Variants in SNX9 observed in about 807,000 individuals in gnomAD.
The protein encoded by SNX9 is sorting nexin-9.
SNX9 carries 44 observed loss-of-function variants against 89.4 expected under a neutral mutation model. That is an observed-to-expected ratio of 0.49 (90% CI 0.39 to 0.63). The LOEUF is 0.63. SNX9 is among the 30% of genes least tolerant of loss of function. The probability of loss-of-function intolerance (pLI) is 0.00; values close to 1 mark genes in which losing one functional copy is unlikely to be tolerated. For missense variants in SNX9, 578 were observed against 736.1 expected (o/e 0.79, Z 2.49); for synonymous variants, 236 against 247.8 (o/e 0.95, Z 0.45).
At position 157,937,344 on chromosome 6, in the gene SNX9, AG is replaced by A. The variant is rs1783946415; in HGVS notation, c.1444-88del. ...CTCAATAATTTAGTGTAGCACATGCAGGATTTATAGTCTTTGGGTATAATAG... is the reference window on the plus strand; with the variant it reads ...CTCAATAATTTAGTGTAGCACATGCAGATTTATAGTCTTTGGGTATAATAG... On this transcript the variant is annotated intron_variant, in intron 14 of 17. Coordinates refer to ENST00000392185, the MANE Select transcript of SNX9 (RefSeq NM_016224.5). 3 of 859,852 alleles carry A rather than the reference AG, an allele frequency of 3.5e-6. No homozygotes were observed. In the East Asian group the frequency reaches 7.5e-5, roughly 21 times the overall value. 53.3% of individuals were successfully genotyped at this position (859,852 alleles called of 1,614,324 possible). A position where few individuals can be genotyped will look rare whatever the true frequency, so the allele number is the denominator to read the frequency against.
chr6:157,860,150 A>G (rs1218946369), intron 1 of SNX9, among the ~76,000 whole-genome samples: 1 of 152,250 alleles, frequency 6.6e-6, no homozygotes, highest in Non-Finnish European at 1.5e-5. Flanking sequence ...TTAAAGCAAT[A>G]AAATCAAAGT....
At position 157,906,596 on chromosome 6, in the gene SNX9, C is replaced by T. The variant is rs112096511; in HGVS notation, c.705+384C>T. The stretch of plus-strand genomic sequence containing the variant: ...CATGTATGTTATCAGAATAAGGTAC[C>T]CTTTCAGATATATGGGTAATAGTGT... On this transcript the variant is annotated intron_variant, in intron 7 of 17. Coordinates refer to ENST00000392185, the MANE Select transcript of SNX9 (RefSeq NM_016224.5). Among the ~76,000 whole-genome samples the T allele has an allele frequency of 2.6e-3, 393 of 151,928 alleles. 2 individuals are homozygous for T. The highest frequency in any genetic ancestry group is 9.1e-3 in the African/African-American group (378 of 41,402).
chr6:157,938,745 A>G lies in SNX9; in HGVS notation c.1646A>G (p.Gln549Arg), dbSNP rs1429100239. The G allele has an allele frequency of 6.2e-7, 1 of 1,611,900 alleles. No individual in the cohort carries two copies. Among genetic ancestry groups the G allele is most frequent in the Non-Finnish European group, 8.5e-7 (1 of 1,178,508 alleles). The part of the protein sequence containing the change: ...KRVSIMSYAL[Q>R]AEMNHFHSNR... ...GTCAGCATCATGTCTTACGCGTTGC[A>G]AGGTAAGATGAAAGGGTCCTTATGA... Residue 549 changes from glutamine to arginine, a missense_variant and splice_region_variant, in exon 16 of 18, where the codon CAA becomes CGA. By Grantham distance (43) the Gln-to-Arg change is conservative. Transcript: ENST00000392185.
chr6:157,914,138 C>T (rs184098777), intron 9 of SNX9, among the ~76,000 whole-genome samples: 1 of 152,318 alleles, frequency 6.6e-6, no homozygotes, highest in Non-Finnish European at 1.5e-5. Flanking sequence ...AGTAGTTCCA[C>T]ATCCCTACCT....
intron 4 of SNX9, among the ~76,000 whole-genome samples, chr6:157,875,713 G>C (rs1782504837): frequency 6.6e-6 from 1 of 152,180 alleles, no homozygotes; most frequent in Admixed American, 6.5e-5. Context: ...GGGATAACTT[G>C]AGAAGAATAC....
intron 1 of SNX9, among the ~76,000 whole-genome samples, chr6:157,848,263 A>T (rs1781841834): frequency 6.6e-6 from 1 of 152,172 alleles, no homozygotes; most frequent in African/African-American, 2.4e-5. Flanking sequence ...ACCTAGCTTC[A>T]ATCTGGTAGC....
rs539776023 is a variant in SNX9 at position 157,853,320 on chromosome 6, T to G, written c.13-14227T>G. On this transcript the variant is annotated intron_variant, in intron 1 of 17. Coordinates refer to ENST00000392185, the MANE Select transcript of SNX9 (RefSeq NM_016224.5). The stretch of plus-strand genomic sequence containing the variant: ...TGAGAATTCTGCAGTTATTCTTTGT[T>G]CCACTGTATGTAATAATATATGTTT... Among the ~76,000 whole-genome samples, 15 of 152,310 alleles carry G rather than the reference T, an allele frequency of 9.8e-5. No individual in the cohort carries two copies. The South Asian group carries it at 2.7e-3, about 27-fold the overall frequency.
chr6:157,927,343 G>T (rs1465297179), intron 11 of SNX9, 129 bp downstream of exon 11: 15 of 628,256 alleles, frequency 2.4e-5, no homozygotes, highest in South Asian at 3.8e-5. Context: ...AGTGGGATTT[G>T]TAGTCCAATG....
Position 157,896,916 on chromosome 6 carries a change from G to T in SNX9, c.390G>T (p.Glu130Asp), listed in dbSNP as rs770539783. The T allele has an allele frequency of 6.2e-7, 1 of 1,613,412 alleles. No homozygotes were observed. Among genetic ancestry groups the T allele is most frequent in the South Asian group, 1.1e-5 (1 of 91,002 alleles). ...ESSEGWGAQP[E>D]GAGAQRNTNT... ...CAGAAGGCTGGGGGGCCCAGCCAGA[G>T]GGGGCTGGAGCCCAAAGAAACACAA... Residue 130 changes from glutamate (E) to aspartate (D), a missense_variant, in exon 5 of 18, where the codon GAG (glutamate) becomes GAT (aspartate). By Grantham distance (45) the Glu-to-Asp change is conservative. Transcript: ENST00000392185.
rs1781278936 is a variant in SNX9 at position 157,823,518 on chromosome 6, G to C, written c.12+72G>C. On this transcript the variant is annotated intron_variant, in intron 1 of 17. Transcript: ENST00000392185. This position sits in a 1 kb window ranked among gnomAD's most constrained non-coding sequence, Gnocchi z 4.6. ...CGGCGCGGAGAGGGTCGGGGCCGGG[G>C]CCGCGGGGAGGGTCGGGGCCAGGGG... The C allele has an allele frequency of 8.7e-7, 1 of 1,145,166 alleles. No homozygotes were observed. The highest frequency in any genetic ancestry group is 4.7e-5 in the Admixed American group (1 of 21,224). 70.9% of individuals were successfully genotyped at this position (1,145,166 alleles called of 1,614,324 possible). A position where few individuals can be genotyped will look rare whatever the true frequency, so the allele number is the denominator to read the frequency against.
chr6:157,840,061 G>T (rs976446792), intron 1 of SNX9, among the ~76,000 whole-genome samples: 12 of 151,580 alleles, frequency 7.9e-5, no homozygotes, highest in African/African-American at 2.2e-4. Context: ...GGAAGGTGGG[G>T]GTGTCTTTGG....
chr6:157,877,282 G>A (rs954748392), intron 4 of SNX9, among the ~76,000 whole-genome samples: 5 of 104,462 alleles, frequency 4.8e-5, no homozygotes, highest in South Asian at 2.8e-4. Context: ...AAAAAAAAGC[G>A]GGGGGGGCAT....
chr6:157,908,600 A>C (rs1472845955), intron 7 of SNX9, among the ~76,000 whole-genome samples: 1 of 152,196 alleles, frequency 6.6e-6, no homozygotes, highest in East Asian at 1.9e-4. Context: ...AGAAGCCTGT[A>C]CATGAGCTCC....
intron 9 of SNX9, among the ~76,000 whole-genome samples, chr6:157,921,011 C>A (rs1783571566): frequency 6.6e-6 from 1 of 152,166 alleles, no homozygotes; most frequent in Admixed American, 6.5e-5. Context: ...CTTCATAATG[C>A]TAAATTTAAA....
chr6:157,867,532 C>T lies in SNX9; in HGVS notation c.13-15C>T, dbSNP rs754627261. 25 of 1,603,348 alleles carry T rather than the reference C, an allele frequency of 1.6e-5. 1 individual carries two copies. Among genetic ancestry groups the T allele is most frequent in the South Asian group, 6.7e-5 (6 of 89,994 alleles). On this transcript the variant is annotated splice_polypyrimidine_tract_variant and intron_variant, in intron 1 of 17. Coordinates refer to ENST00000392185, the MANE Select transcript of SNX9 (RefSeq NM_016224.5). ...TGTGTTTGTAACATCCTCTTTTCCT[C>T]TCCACTCCTGATAGGCTCGGGTTAT... is the stretch of plus-strand genomic sequence containing the variant.
chr6:157,882,692 A>G (rs575718530), intron 4 of SNX9, among the ~76,000 whole-genome samples: 109 of 152,352 alleles, frequency 7.2e-4, no homozygotes, highest in African/African-American at 2.4e-3. Flanking sequence ...TGTGGTAGAA[A>G]TACTAAGAGA....
chr6:157,854,358 C>A (rs189036357), intron 1 of SNX9, among the ~76,000 whole-genome samples: 1 of 152,224 alleles, frequency 6.6e-6, no homozygotes, highest in Non-Finnish European at 1.5e-5. Flanking sequence ...AGTAACCTTG[C>A]AGCTGTGATA....
chr6:157,905,172 G>A lies in SNX9; in HGVS notation c.621-956G>A, dbSNP rs142316779. ...ACATCTGGTCTCTTGTGTAAGCTGCGTTTTAAAGGAATGTCTAGAGAAAGG... is the reference window on the plus strand; with the variant it reads ...ACATCTGGTCTCTTGTGTAAGCTGCATTTTAAAGGAATGTCTAGAGAAAGG... On this transcript the variant is annotated intron_variant, in intron 6 of 17. Coordinates refer to ENST00000392185, the MANE Select transcript of SNX9 (RefSeq NM_016224.5). Among the ~76,000 whole-genome samples, 29 of 152,236 alleles carry A rather than the reference G, an allele frequency of 1.9e-4. No homozygotes were observed. The East Asian group carries it at 3.5e-3, about 18-fold the overall frequency.
intron 1 of SNX9, among the ~76,000 whole-genome samples, chr6:157,841,822 A>G (rs1419952489): frequency 2.0e-5 from 3 of 152,170 alleles, no homozygotes; most frequent in South Asian, 4.2e-4. Flanking sequence ...CTTTTAAACT[A>G]TCATCTCAAT....
Sources: gnomAD v4.1 joint callset for allele counts (sites outside exome capture counted in the v4.1 genomes callset) on GRCh38, gnomAD v4.1.1 for gene constraint, Gnocchi (gnomAD v3.1) non-coding constraint, MANE v1.5 for transcripts, NCBI Gene and HGNC (gene_info 2026-07-23, HGNC 2026-07-21) for gene names.